GLG1: variants seen among roughly 807,000 people sequenced by gnomAD.
The protein encoded by GLG1 is golgi glycoprotein 1.
In GLG1, 38 loss-of-function variants were observed where a neutral mutation model predicts 160.5. The observed-to-expected ratio is 0.24, with a 90% CI of 0.18 to 0.31. The LOEUF (loss-of-function observed/expected upper bound fraction) is 0.31. Ranked by LOEUF, GLG1 falls within the 10% of genes least tolerant of loss-of-function variation. The pLI, the probability that GLG1 is intolerant of heterozygous loss-of-function variation, is 1.00. For missense variants in GLG1, 1,373 were observed against 1,505.2 expected (o/e 0.91, Z 1.45); for synonymous variants, 644 against 543.4 (o/e 1.19, Z -2.57).
At position 74,499,075 on chromosome 16, in the gene GLG1, C is replaced by T. The variant is rs1400835742; in HGVS notation, c.775-2431G>A. Among the ~76,000 whole-genome samples, 3 of 152,190 alleles carry T rather than the reference C, an allele frequency of 2.0e-5. No individual in the cohort carries two copies. The South Asian group carries it at 6.2e-4, about 32-fold the overall frequency. On this transcript the variant is annotated intron_variant, in intron 4 of 25. Coordinates refer to ENST00000422840, the MANE Select transcript of GLG1 (RefSeq NM_001145667.2). ...AGAAAGGACACAGCTCTGATATCTA[C>T]TGCGGACATGAATGAACAGAGGCTC...
At chr16:74,579,487 C>T (rs1957891117) in intron 1 of GLG1, among the ~76,000 whole-genome samples, 1 of 146,990 alleles carries the variant, frequency 6.8e-6, no homozygotes, top group Admixed American at 6.7e-5. Context: ...TTTGGGAGGC[C>T]GAAGTGGGTG....
chr16:74,563,403 A>C (rs1422898355), intron 1 of GLG1: 1 of 152,164 alleles, frequency 6.6e-6, no homozygotes, highest in East Asian at 1.9e-4. Context: ...CTTTTTCCAG[A>C]GTTTGGAGTA....
Position 74,491,140 on chromosome 16 carries a change from C to T in GLG1, c.1310G>A (p.Ser437Asn), listed in dbSNP as rs752841978. The T allele has an allele frequency of 6.2e-7, 1 of 1,614,146 alleles. No individual in the cohort carries two copies. The highest frequency in any genetic ancestry group is 1.1e-5 in the South Asian group (1 of 91,078). Residue 437 changes from serine to asparagine, a missense_variant, in exon 8 of 26, where the codon AGC (serine) becomes AAC (asparagine). By Grantham distance (46) the Ser-to-Asn change is conservative. Around this residue, in one of 4 missense-constraint regions of GLG1, gnomAD observed 386 missense variants for 388.5 expected, o/e 0.99. Coordinates refer to ENST00000422840, the MANE Select transcript of GLG1 (RefSeq NM_001145667.2). ...RRMLMEDFSL[S>N]PEIILSCRGE... is the part of the protein sequence containing the mutation. ...CCGACAGCTTAGGATGATCTCAGGG[C>T]TCAGAGAAAAGTCTTCCATCAACAT...
At chr16:74,605,751 C>A (rs371843035) in intron 1 of GLG1, among the ~76,000 whole-genome samples, 92 of 151,942 alleles carry the variant, frequency 6.1e-4, no homozygotes, top group Non-Finnish European at 7.9e-4. Context: ...AAAAAAAAAA[C>A]CAAAAACAGT....
intron 1 of GLG1, 125 bp downstream of exon 1, chr16:74,606,531 GA>G: frequency 1.3e-6 from 1 of 744,806 alleles, no homozygotes; most frequent in Non-Finnish European, 2.2e-6. Flanking sequence ...AGCAAAGAGG[GA>G]AGGAGCGAGT....
At chr16:74,578,812 T>A (rs1957870240) in intron 1 of GLG1, among the ~76,000 whole-genome samples, 1 of 152,248 alleles carries the variant, frequency 6.6e-6, no homozygotes, top group South Asian at 2.1e-4. Context: ...TGCAGTATCA[T>A]AAGTCATTCT....
chr16:74,568,854 C>A (rs955292176), intron 1 of GLG1, among the ~76,000 whole-genome samples: 2 of 152,202 alleles, frequency 1.3e-5, no homozygotes, highest in Admixed American at 6.5e-5. Context: ...AACCCTTTAA[C>A]TATAAACAAC....
chr16:74,492,878 C>T (rs1282173712), intron 7 of GLG1, 79 bp downstream of exon 7: 16 of 724,128 alleles, frequency 2.2e-5, no homozygotes, highest in East Asian at 3.3e-5. Context: ...AGGAAACTAA[C>T]GTTTATATAT....
chr16:74,468,890 G>T, intron 17 of GLG1, 56 bp downstream of exon 17: 1 of 1,104,114 alleles, frequency 9.1e-7, no homozygotes, highest in Non-Finnish European at 1.4e-6. Flanking sequence ...CCTCTCCCCA[G>T]CTTTCCAAGC....
chr16:74,602,803 G>T (rs1244557053), intron 1 of GLG1, among the ~76,000 whole-genome samples: 1 of 149,682 alleles, frequency 6.7e-6, no homozygotes, highest in African/African-American at 2.5e-5. Flanking sequence ...AAAAGGGTGG[G>T]AACAGTTGAA....
chr16:74,598,155 A>G (rs1246771234), intron 1 of GLG1, among the ~76,000 whole-genome samples: 1 of 152,212 alleles, frequency 6.6e-6, no homozygotes, highest in African/African-American at 2.4e-5. Context: ...AATGCTAACC[A>G]TTATAAGTAG....
At chr16:74,584,020 C>T (rs533231034) in intron 1 of GLG1, among the ~76,000 whole-genome samples, 4 of 152,268 alleles carry the variant, frequency 2.6e-5, no homozygotes, top group African/African-American at 9.6e-5. Flanking sequence ...TACTAGTCTC[C>T]TTTGGCCCAA....
At chr16:74,588,937 T>A (rs1445213657) in intron 1 of GLG1, among the ~76,000 whole-genome samples, 6 of 151,868 alleles carry the variant, frequency 4.0e-5, no homozygotes, top group East Asian at 1.9e-4. Flanking sequence ...TTTTTTTTTT[T>A]AAATCAAATG....
chr16:74,569,286 A>C (rs897360613), intron 1 of GLG1, among the ~76,000 whole-genome samples: 1 of 152,222 alleles, frequency 6.6e-6, no homozygotes, highest in African/African-American at 2.4e-5. Flanking sequence ...GCATAAGCAA[A>C]TAAAAATCCT....
rs575524722 is a variant in GLG1, at chr16:74,502,541, A to AT, written c.774+989dup. Among the ~76,000 whole-genome samples, 311 of 145,796 alleles carry AT rather than the reference A, an allele frequency of 2.1e-3. 3 individuals are homozygous for AT. The highest frequency in any genetic ancestry group is 0.016 in the South Asian group (74 of 4,604). On this transcript the variant is annotated intron_variant, in intron 4 of 25. Coordinates refer to ENST00000422840, the MANE Select transcript of GLG1 (RefSeq NM_001145667.2). ...TGGACAGCAGCCAGTGTGCTAAGTA[A>AT]TTTTTTTTTTTGTTTTTTTTGAGAC...
In GLG1 at chr16:74,482,875, T is replaced by C. The variant is rs1597250712; in HGVS notation, c.1673+148A>G. On this transcript the variant is annotated intron_variant, in intron 10 of 25. Coordinates refer to ENST00000422840, the MANE Select transcript of GLG1 (RefSeq NM_001145667.2). ...ATAATGTTCTGAAAGTGATAAAGAATAGTTTTTCAGGGGATTGGAGTGTGT... is the reference window on the plus strand; with the variant it reads ...ATAATGTTCTGAAAGTGATAAAGAACAGTTTTTCAGGGGATTGGAGTGTGT... 4 of 625,300 alleles carry C rather than the reference T, an allele frequency of 6.4e-6. No individual in the cohort carries two copies. The East Asian group carries it at 8.7e-5, about 14-fold the overall frequency. The allele number at this position is 625,300 out of a possible 1,614,324, so 38.7% of individuals were successfully genotyped here.
At chr16:74,519,749 T>C (rs2017100320) in intron 2 of GLG1, among the ~76,000 whole-genome samples, 1 of 152,122 alleles carries the variant, frequency 6.6e-6, no homozygotes, top group African/African-American at 2.4e-5. Flanking sequence ...CTTTCAATTC[T>C]TTTTGCTTAC....
At chr16:74,490,066 T>C (rs2015928213) in intron 8 of GLG1, among the ~76,000 whole-genome samples, 1 of 152,208 alleles carries the variant, frequency 6.6e-6, no homozygotes, top group African/African-American at 2.4e-5. Flanking sequence ...TCTACTATTC[T>C]AGGATATAAA....
chr16:74,504,304 T>C (rs1567487849), intron 3 of GLG1, among the ~76,000 whole-genome samples: 1 of 152,152 alleles, frequency 6.6e-6, no homozygotes, highest in Non-Finnish European at 1.5e-5. Flanking sequence ...TATTTATCTT[T>C]TGAGGCAGAG....
Sources: allele counts gnomAD v4.1 joint callset (sites outside exome capture counted in the v4.1 genomes callset), GRCh38; gene constraint gnomAD v4.1.1; regional missense constraint gnomAD v4.1.1; transcripts MANE v1.5; gene names NCBI Gene and HGNC (gene_info 2026-07-23, HGNC 2026-07-21).